The following ARHGAP24 variants were observed in gnomAD, a reference collection of about 807,000 sequenced individuals.
The protein encoded by ARHGAP24 is rho GTPase-activating protein 24.
In ARHGAP24, 50 loss-of-function variants were observed where a neutral mutation model predicts 76.4. That is an observed-to-expected ratio of 0.65 (90% CI 0.52 to 0.83). The LOEUF (loss-of-function observed/expected upper bound fraction) is 0.83. Among genes scored for constraint, ARHGAP24 ranks in the 40% least tolerant of loss-of-function variants. The pLI is 0.00. For synonymous variants in ARHGAP24, 345 were observed against 323.3 expected (o/e 1.07, Z -0.72); for missense variants, 930 against 914.2 (o/e 1.02, Z -0.22).
At chr4:85,998,635 A>G (rs1430699213) in intron 9 of ARHGAP24, among the ~76,000 whole-genome samples, 1 of 151,844 alleles carries the variant, frequency 6.6e-6, no homozygotes, top group East Asian at 1.9e-4. Context: ...TCCATATTAA[A>G]TTTCTATAAT....
chr4:85,695,395 G>C (rs1723831205), intron 2 of ARHGAP24, among the ~76,000 whole-genome samples: 1 of 152,026 alleles, frequency 6.6e-6, no homozygotes, highest in Non-Finnish European at 1.5e-5. Flanking sequence ...GCTAACTCCT[G>C]GTTCATTTAT....
chr4:85,582,629 G>A (rs924996896), intron 2 of ARHGAP24, among the ~76,000 whole-genome samples: 4 of 151,966 alleles, frequency 2.6e-5, no homozygotes, highest in Non-Finnish European at 5.9e-5. Context: ...TACAGAGACT[G>A]TAACACTCTT....
intron 2 of ARHGAP24, among the ~76,000 whole-genome samples, chr4:85,655,369 A>T (rs1722098956): frequency 6.6e-6 from 1 of 152,222 alleles, no homozygotes; most frequent in Admixed American, 6.5e-5. Flanking sequence ...ACTGAAAAAC[A>T]ATTTTATACA....
intron 9 of ARHGAP24, 74 bp from the exon 10 acceptor site, chr4:86,000,405 T>C: frequency 9.0e-7 from 1 of 1,106,844 alleles, no homozygotes. Flanking sequence ...GTCTCTTGCA[T>C]TTCAAGTGAA....
At chr4:85,778,699 A>G (rs1466639332) in intron 3 of ARHGAP24, 7 of 984,982 alleles carry the variant, frequency 7.1e-6, no homozygotes, top group African/African-American at 1.8e-5. Flanking sequence ...TCTTTCTTCA[A>G]TATATGGGAT....
chr4:85,854,119 G>C (rs1731409459), intron 3 of ARHGAP24, among the ~76,000 whole-genome samples: 1 of 114,782 alleles, frequency 8.7e-6, no homozygotes. Context: ...TGGGTGAAAA[G>C]AGTGAGACTC....
rs116146275 is a variant in ARHGAP24 at position 85,635,440 on chromosome 4, G to A, written c.180+64719G>A. On this transcript the variant is annotated intron_variant, in intron 2 of 9. Transcript: ENST00000395184. Reference sequence around the variant, plus strand: ...CCTTACCAAGATTTCCAGACCAATGGCTTATTCTTATTGTCTCTTTTATTT... The same window carrying A: ...CCTTACCAAGATTTCCAGACCAATGACTTATTCTTATTGTCTCTTTTATTT... Among the ~76,000 whole-genome samples, 1,038 of 151,810 alleles carry A rather than the reference G, an allele frequency of 6.8e-3. 14 individuals carry two copies. The highest frequency in any genetic ancestry group is 0.024 in the African/African-American group (999 of 41,466).
intron 3 of ARHGAP24, among the ~76,000 whole-genome samples, chr4:85,766,891 T>G (rs955194286): frequency 6.6e-6 from 1 of 152,170 alleles, no homozygotes; most frequent in Non-Finnish European, 1.5e-5. Context: ...AATGTTTTGG[T>G]CAACAACAAA....
intron 3 of ARHGAP24, among the ~76,000 whole-genome samples, chr4:85,787,580 C>T (rs1236914611): frequency 2.6e-5 from 4 of 152,124 alleles, no homozygotes; most frequent in Non-Finnish European, 5.9e-5. Flanking sequence ...AAAAATCTAA[C>T]TCCATAAGGA....
chr4:85,594,550 GA>G (rs968768145), intron 2 of ARHGAP24, among the ~76,000 whole-genome samples: 4 of 152,002 alleles, frequency 2.6e-5, no homozygotes, highest in African/African-American at 9.7e-5. Context: ...AAGGAGAGAT[GA>G]TACCTATCTG....
chr4:85,824,642 G>A (rs1481932362), intron 3 of ARHGAP24, among the ~76,000 whole-genome samples: 2 of 148,516 alleles, frequency 1.3e-5, no homozygotes, highest in East Asian at 4.2e-4. Flanking sequence ...TTCAGTGCAA[G>A]TGTCTTTTCC....
At chr4:85,990,038 G>T (rs904897919) in intron 8 of ARHGAP24, 1 of 151,776 alleles carries the variant, frequency 6.6e-6, no homozygotes, top group East Asian at 1.9e-4. Context: ...GAACATCTAT[G>T]TCGAAAATTC....
intron 3 of ARHGAP24, among the ~76,000 whole-genome samples, chr4:85,813,430 G>A (rs1223508652): frequency 6.6e-6 from 1 of 152,098 alleles, no homozygotes; most frequent in African/African-American, 2.4e-5. Flanking sequence ...GAATCTCATT[G>A]TGTTTTTTAG....
chr4:85,895,521 T>C (rs1231570655), intron 3 of ARHGAP24, among the ~76,000 whole-genome samples: 1 of 152,214 alleles, frequency 6.6e-6, no homozygotes, highest in Non-Finnish European at 1.5e-5. Context: ...TTTGTGCTTG[T>C]TTTCCTGAGG....
chr4:85,798,362 G>T (rs1466590718), intron 3 of ARHGAP24, among the ~76,000 whole-genome samples: 1 of 152,198 alleles, frequency 6.6e-6, no homozygotes, highest in African/African-American at 2.4e-5. Context: ...GAACTAATCT[G>T]TGAGTGCCAA....
intron 8 of ARHGAP24, 115 bp from the exon 9 acceptor site, chr4:85,994,468 G>A: frequency 2.9e-6 from 3 of 1,025,118 alleles, no homozygotes; most frequent in Non-Finnish European, 1.5e-6. Context: ...ATATGGTTTG[G>A]TACTGATAAT....
rs1740964519 is a variant in ARHGAP24, at chr4:86,000,626, G to A, written c.2151G>A (p.Met717Ile). Residue 717 changes from methionine (M) to isoleucine (I), a missense_variant, in exon 10 of 10, where the codon ATG becomes ATA. Met to Ile is a conservative substitution (Grantham distance 10). Transcript: ENST00000395184. ...AKEDAEKRND[M>I]LQKEMEQFFS... is the part of the protein sequence containing the mutation. ...AAGATGCCGAGAAAAGAAATGACATGCTACAGAAAGAAATGGAGCAGTTTT... is the reference window on the plus strand; with the variant it reads ...AAGATGCCGAGAAAAGAAATGACATACTACAGAAAGAAATGGAGCAGTTTT... 1.2e-6 allele frequency: 2 copies of A among 1,614,014 alleles called. No homozygotes were observed. The highest frequency in any genetic ancestry group is 2.2e-5 in the East Asian group (1 of 44,854).
chr4:85,520,358 T>A (rs1244537245), intron 1 of ARHGAP24, among the ~76,000 whole-genome samples: 2 of 152,060 alleles, frequency 1.3e-5, no homozygotes, highest in East Asian at 3.9e-4. Context: ...ACACAGAAAA[T>A]GCCAAAACTG....
intron 2 of ARHGAP24, among the ~76,000 whole-genome samples, chr4:85,624,159 T>C (rs572556397): frequency 6.6e-6 from 1 of 152,200 alleles, no homozygotes; most frequent in Non-Finnish European, 1.5e-5. Context: ...ATCCCTGTCT[T>C]GTGCCCGTTT....
Sources: gnomAD v4.1 joint callset for allele counts (sites outside exome capture counted in the v4.1 genomes callset) on GRCh38, gnomAD v4.1.1 for gene constraint, MANE v1.5 for transcripts, NCBI Gene and HGNC (gene_info 2026-07-23, HGNC 2026-07-21) for gene names.